Variants in LRRTM4 observed in about 807,000 individuals in gnomAD.
The protein encoded by LRRTM4 is leucine rich repeat transmembrane neuronal 4.
In LRRTM4, 25 loss-of-function variants were observed where a neutral mutation model predicts 47.6. That is an observed-to-expected ratio of 0.53 (90% confidence interval 0.38 to 0.73). The LOEUF (loss-of-function observed/expected upper bound fraction) is 0.73, where lower values mean the gene tolerates loss of function less well. Among genes scored for constraint, LRRTM4 ranks in the 30% least tolerant of loss-of-function variants. LRRTM4 has a pLI of 0.00. For synonymous variants in LRRTM4, 311 were observed against 269.5 expected, an observed-to-expected ratio of 1.15 and a Z score of -1.51; for missense variants, 638 against 713.4, an observed-to-expected ratio of 0.89 and a Z score of 1.20.
At chr2:77,270,155 C>T (rs1676154265) in intron 3 of LRRTM4, among the ~76,000 whole-genome samples, 1 of 152,156 alleles carries the variant, frequency 6.6e-6, no homozygotes, top group Admixed American at 6.5e-5. Context: ...AAAGTAAAAA[C>T]CTCTACCTTA....
intron 3 of LRRTM4, among the ~76,000 whole-genome samples, chr2:76,978,930 T>C (rs1233284683): frequency 1.3e-5 from 2 of 152,004 alleles, no homozygotes; most frequent in African/African-American, 4.8e-5. Context: ...TATTTTCATG[T>C]AGCATAATAT....
intron 3 of LRRTM4, among the ~76,000 whole-genome samples, chr2:77,411,470 T>G (rs1367080072): frequency 7.3e-6 from 1 of 136,152 alleles, no homozygotes; most frequent in Non-Finnish European, 1.5e-5. Context: ...TTTTTTTTTT[T>G]GAGACGGAGT....
At chr2:77,427,521 A>T (rs1364997555) in intron 3 of LRRTM4, among the ~76,000 whole-genome samples, 1 of 152,248 alleles carries the variant, frequency 6.6e-6, no homozygotes, top group Non-Finnish European at 1.5e-5. Context: ...TGTAACAATG[A>T]TTTATAAGCA....
At chr2:76,796,055 TACTGC>T (rs1675297241) in intron 3 of LRRTM4, among the ~76,000 whole-genome samples, 1 of 109,788 alleles carries the variant, frequency 9.1e-6, no homozygotes, top group African/African-American at 3.9e-5. Flanking sequence ...AGGGGTGATG[TACTGC>T]ACCTGGAAAA....
At chr2:77,277,469 AT>A (rs1245413743) in intron 3 of LRRTM4, among the ~76,000 whole-genome samples, 2 of 152,170 alleles carry the variant, frequency 1.3e-5, no homozygotes, top group African/African-American at 4.8e-5. Context: ...TTATTAAAAA[AT>A]ATTTTCAAAT....
chr2:77,224,261 A>G (rs1261435644), intron 3 of LRRTM4, among the ~76,000 whole-genome samples: 4 of 152,094 alleles, frequency 2.6e-5, no homozygotes, highest in Non-Finnish European at 5.9e-5. Flanking sequence ...AAAACCCTAG[A>G]AGAAAACCTA....
intron 3 of LRRTM4, among the ~76,000 whole-genome samples, chr2:77,477,133 T>G (rs1677431583): frequency 6.6e-6 from 1 of 151,868 alleles, no homozygotes; most frequent in African/African-American, 2.4e-5. Context: ...GAAGACAGAG[T>G]GTAGACCATA....
intron 3 of LRRTM4, among the ~76,000 whole-genome samples, chr2:77,128,246 G>GA (rs919102121): frequency 1.3e-5 from 2 of 152,166 alleles, no homozygotes; most frequent in Non-Finnish European, 2.9e-5. Context: ...TGACGTAAGG[G>GA]AAAAAAATGG....
At chr2:77,494,435 G>C (rs1004308686) in intron 3 of LRRTM4, among the ~76,000 whole-genome samples, 41 of 151,828 alleles carry the variant, frequency 2.7e-4, no homozygotes, top group African/African-American at 9.2e-4. Flanking sequence ...TGTGCTAGTG[G>C]TCCCTCAATC....
rs148794498 is a variant in LRRTM4 at position 77,376,005 on chromosome 2, A to T, written c.1551+142313T>A. Among the ~76,000 whole-genome samples, 498 of 151,948 alleles carry T rather than the reference A, an allele frequency of 3.3e-3. 2 individuals carry two copies. Among genetic ancestry groups the T allele is most frequent in the African/African-American group, 0.011 (475 of 41,514 alleles). ...GTTCATACAAATAGAATCATGCAGTACTTGTTCCTGTTGTGACTGGCTATA... is the reference window on the plus strand; with the variant it reads ...GTTCATACAAATAGAATCATGCAGTTCTTGTTCCTGTTGTGACTGGCTATA... On this transcript the variant is annotated intron_variant, in intron 3 of 3. Transcript: ENST00000409884.
At chr2:77,520,902 T>C (rs1679461646) in intron 2 of LRRTM4, among the ~76,000 whole-genome samples, 1 of 149,180 alleles carries the variant, frequency 6.7e-6, no homozygotes, top group Non-Finnish European at 1.5e-5. Context: ...TATTTCTTAA[T>C]GGAGAGAAAA....
intron 3 of LRRTM4, among the ~76,000 whole-genome samples, chr2:77,208,777 C>T (rs1041100220): frequency 2.0e-5 from 3 of 152,160 alleles, no homozygotes; most frequent in Non-Finnish European, 2.9e-5. Flanking sequence ...TTACAAAATG[C>T]TGAGCTCAAG....
intron 3 of LRRTM4, among the ~76,000 whole-genome samples, chr2:76,952,286 G>C (rs1237733937): frequency 6.6e-6 from 1 of 151,880 alleles, no homozygotes; most frequent in African/African-American, 2.4e-5. Context: ...GAAAATATTT[G>C]CAGACTATGC....
At chr2:77,081,206 G>A (rs1212687511) in intron 3 of LRRTM4, among the ~76,000 whole-genome samples, 2 of 148,742 alleles carry the variant, frequency 1.3e-5, no homozygotes, top group East Asian at 2.0e-4. Flanking sequence ...AATTGTTTCT[G>A]TTCCCTAAAG....
In LRRTM4 at chr2:77,515,983, C is replaced by T. The variant is rs527753114; in HGVS notation, c.1551+2335G>A. ...CCCCTGCAATGTTTGTTTTTGTATG[C>T]TTTCGTTTTAAAACAAGTTGAAATT... On this transcript the variant is annotated intron_variant, in intron 3 of 3. Coordinates refer to ENST00000409884, the MANE Select transcript of LRRTM4 (RefSeq NM_001134745.3). 7.9e-5 allele frequency among the ~76,000 whole-genome samples: 12 copies of T among 151,846 alleles called. 1 individual carries two copies. Among genetic ancestry groups the T allele is most frequent in the African/African-American group, 2.9e-4 (12 of 41,518 alleles).
chr2:77,511,705 A>G (rs1385269831), intron 3 of LRRTM4, among the ~76,000 whole-genome samples: 1 of 151,950 alleles, frequency 6.6e-6, no homozygotes, highest in Non-Finnish European at 1.5e-5. Context: ...CCTTTTAATT[A>G]TGCTTCTTCA....
intron 3 of LRRTM4, among the ~76,000 whole-genome samples, chr2:77,310,290 A>T (rs1054332630): frequency 4.6e-5 from 7 of 152,146 alleles, no homozygotes; most frequent in African/African-American, 1.7e-4. Flanking sequence ...TTTAAAATTT[A>T]TACACAGCAA....
At chr2:77,087,465 G>T (rs916522766) in intron 3 of LRRTM4, among the ~76,000 whole-genome samples, 1 of 152,290 alleles carries the variant, frequency 6.6e-6, no homozygotes, top group Middle Eastern at 3.4e-3. Flanking sequence ...AAATTTCCCA[G>T]GTTGGTAGTA....
At chr2:77,094,542 T>G (rs1287442546) in intron 3 of LRRTM4, among the ~76,000 whole-genome samples, 1 of 152,122 alleles carries the variant, frequency 6.6e-6, no homozygotes, top group African/African-American at 2.4e-5. Flanking sequence ...ATAATGCTAT[T>G]GTAATAGAAA....
Sources: allele counts gnomAD v4.1 joint callset (sites outside exome capture counted in the v4.1 genomes callset), GRCh38; gene constraint gnomAD v4.1.1; transcripts MANE v1.5; gene names NCBI Gene and HGNC (gene_info 2026-07-23, HGNC 2026-07-21).